The following FBN3 variants were observed in gnomAD, a reference collection of about 807,000 sequenced individuals.
FBN3 encodes fibrillin-3.
FBN3 carries 234 observed loss-of-function variants against 330.1 expected under a neutral mutation model. The observed-to-expected ratio is 0.71, with a 90% CI of 0.64 to 0.79. The LOEUF (loss-of-function observed/expected upper bound fraction) is 0.79, where lower values mean the gene tolerates loss of function less well. Among genes scored for constraint, FBN3 ranks in the 30% least tolerant of loss-of-function variants. The probability of loss-of-function intolerance (pLI) is 0.00; values close to 1 mark genes in which losing one functional copy is unlikely to be tolerated. For synonymous variants in FBN3, 1,458 were observed against 1,517.3 expected (o/e 0.96, Z 0.91); for missense variants, 3,606 against 3,886.9 (o/e 0.93, Z 1.92).
At position 8,123,915 on chromosome 19, in the gene FBN3, G is replaced by C. The variant is rs767887141; in HGVS notation, c.2825C>G (p.Ser942Cys). Residue 942 changes from serine (S) to cysteine (C), a missense_variant, in exon 23 of 64, where the codon TCC becomes TGC. Physicochemically the swap from Ser to Cys is moderately radical, Grantham distance 112. Coordinates refer to ENST00000600128, the MANE Select transcript of FBN3 (RefSeq NM_032447.5). ...GKYRMDVCCC[S>C]IGAVWGVECE... ...CTCGACTCCCCACACGGCCCCGATGGAGCAGCAGCAGACGTCCATCCGGTA... is the reference window on the plus strand; with the variant it reads ...CTCGACTCCCCACACGGCCCCGATGCAGCAGCAGCAGACGTCCATCCGGTA... The C allele has an allele frequency of 6.2e-7, 1 of 1,614,072 alleles. No homozygotes were observed. The highest frequency in any genetic ancestry group is 1.1e-5 in the South Asian group (1 of 91,086).
chr19:8,088,083 G>T lies in FBN3; in HGVS notation c.6473C>A (p.Pro2158His), dbSNP rs774216770. 3 of 1,614,002 alleles carry T rather than the reference G, an allele frequency of 1.9e-6. No homozygotes were observed. The highest frequency in any genetic ancestry group is 3.3e-5 in the Admixed American group (2 of 60,002). Residue 2158 changes from proline (P) to histidine (H), a missense_variant, in exon 52 of 64, where the codon CCT becomes CAT. Physicochemically the swap from Pro to His is moderately conservative, Grantham distance 77. Transcript: ENST00000600128. ...FECACADGFE[P>H]GLMMTCEDID... is the part of the protein sequence containing the mutation. The stretch of plus-strand genomic sequence containing the variant: ...ACCCTCGCAGGTCATCATGAGGCCA[G>T]GCTCAAAGCCGTCAGCACAGGCACA...
At chr19:8,137,993 A>C (rs2083326204) in intron 10 of FBN3, 148 bp downstream of exon 10, 2 of 884,528 alleles carry the variant, frequency 2.3e-6, no homozygotes, top group South Asian at 3.8e-5. Context: ...TAGCACTGTC[A>C]TCCCTACTAG....
Position 8,096,111 on chromosome 19 carries a change from G to A in FBN3, c.5540-31C>T. Reference sequence around the variant, plus strand: ...GAAGCAAAGCCGAGAGCCCAACCCAGCTCACCCAGGGCATTGGGGAACTTG... The same window carrying A: ...GAAGCAAAGCCGAGAGCCCAACCCAACTCACCCAGGGCATTGGGGAACTTG... On this transcript the variant is annotated intron_variant, in intron 44 of 63. Coordinates refer to ENST00000600128, the MANE Select transcript of FBN3 (RefSeq NM_032447.5). This position sits in a 1 kb window ranked among gnomAD's most constrained non-coding sequence, Gnocchi z 4.6. 6.5e-7 allele frequency: 1 copy of A among 1,542,846 alleles called. No homozygotes were observed. Among genetic ancestry groups the A allele is most frequent in the South Asian group, 1.1e-5 (1 of 89,584 alleles).
rs537194242 is a variant in FBN3 at position 8,143,791 on chromosome 19, C to A, written c.541+1086G>T. ...TGCAGGCATGAGCCACAGTGCCTGG[C>A]CTCTTTTCTTTCTTTCTTTCTTTCT... On this transcript the variant is annotated intron_variant, in intron 6 of 63. Coordinates refer to ENST00000600128, the MANE Select transcript of FBN3 (RefSeq NM_032447.5). Among the ~76,000 whole-genome samples, 82 of 116,856 alleles carry A rather than the reference C, an allele frequency of 7.0e-4. 2 individuals are homozygous for A. The South Asian group carries it at 0.027, about 38-fold the overall frequency. The allele number at this position is 116,856 out of a possible 152,430, so 76.7% of individuals were successfully genotyped here.
Position 8,073,218 on chromosome 19 carries a change from G to A in FBN3, c.7782C>T (p.Val2594=), listed in dbSNP as rs748489603. The part of the protein sequence containing the change: ...CRNTLGGFRC[V]CPSGFDFDQA... ...GATCAAAGTCAAAGCCAGAGGGGCA[G>A]ACGCAGCGGAAGCCACCAAGAGTGT... Residue 2594 remains valine (V), a synonymous_variant, in exon 62 of 64, where the codon GTC becomes GTT. Coordinates refer to ENST00000600128, the MANE Select transcript of FBN3 (RefSeq NM_032447.5). 2 of 1,614,108 alleles carry A rather than the reference G, an allele frequency of 1.2e-6. No homozygotes were observed. Among genetic ancestry groups the A allele is most frequent in the Admixed American group, 3.3e-5 (2 of 60,008 alleles).
intron 38 of FBN3, 44 bp from the exon 39 acceptor site, chr19:8,103,731 A>G (rs959954087): frequency 6.3e-7 from 1 of 1,595,534 alleles, no homozygotes; most frequent in Non-Finnish European, 8.6e-7. Context: ...GGCAGCGTCC[A>G]GGAATTGTCT....
At chr19:8,115,193 T>C (rs1043781031) in intron 30 of FBN3, among the ~76,000 whole-genome samples, 1 of 152,176 alleles carries the variant, frequency 6.6e-6, no homozygotes, top group Non-Finnish European at 1.5e-5. Flanking sequence ...GTGTGATCAT[T>C]TGTTATGGCA....
intron 38 of FBN3, among the ~76,000 whole-genome samples, chr19:8,104,278 C>G (rs771623699): frequency 1.3e-5 from 2 of 150,604 alleles, no homozygotes; most frequent in Admixed American, 6.6e-5. Context: ...TTGAGACCAG[C>G]CTGGGCAACA....
Position 8,136,032 on chromosome 19 carries a change from T to C in FBN3, c.1520A>G (p.Asn507Ser), listed in dbSNP as rs916870868. Residue 507 changes from asparagine (N) to serine (S), a missense_variant, in exon 13 of 64, where the codon AAC (asparagine) becomes AGC (serine). Transcript: ENST00000600128. The part of the protein sequence containing the change: ...GGLCHLGRCV[N>S]TEGSFQCVCN... Reference sequence around the variant, plus strand: ...GACACACTGGAAGCTGCCCTCTGTGTTGACACAGCGGCCCAGGTGACAAAG... The same window carrying C: ...GACACACTGGAAGCTGCCCTCTGTGCTGACACAGCGGCCCAGGTGACAAAG... 4 of 1,569,474 alleles carry C rather than the reference T, an allele frequency of 2.5e-6. No homozygotes were observed. The highest frequency in any genetic ancestry group is 3.5e-6 in the Non-Finnish European group (4 of 1,152,134).
Position 8,066,166 on chromosome 19 carries a change from G to A in FBN3, c.8183C>T (p.Pro2728Leu), listed in dbSNP as rs143150244. 3.7e-4 allele frequency: 590 copies of A among 1,612,876 alleles called. 5 individuals carry two copies. In the African/African-American group the frequency reaches 6.6e-3, roughly 18 times the overall value. Residue 2728 changes from proline (P) to leucine (L), a missense_variant, in exon 64 of 64, where the codon CCG becomes CTG. By Grantham distance (98) the Pro-to-Leu change is moderately conservative (BLOSUM62 -3). Coordinates refer to ENST00000600128, the MANE Select transcript of FBN3 (RefSeq NM_032447.5). ...GRAERILELR[P>L]ALEGLEGRIR... is the part of the protein sequence containing the mutation. The stretch of plus-strand genomic sequence containing the variant: ...CCGGCCCTCTAGACCCTCCAGGGCC[G>A]GCCGGAGCTCCAGGATGCGCTCGGC...
At position 8,131,556 on chromosome 19, in the gene FBN3, G is replaced by T. The variant is rs1197205171; in HGVS notation, c.1988C>A (p.Ser663Tyr). Residue 663 changes from serine to tyrosine, a missense_variant and splice_region_variant, in exon 15 of 64, where the codon TCC (serine) becomes TAC (tyrosine). Coordinates refer to ENST00000600128, the MANE Select transcript of FBN3 (RefSeq NM_032447.5). This position sits in a 1 kb window ranked among gnomAD's most constrained non-coding sequence, Gnocchi z 4.5. Reference protein sequence around the residue: ...EPCQLCPAKDSAEFQALCSSG... With the variant: ...EPCQLCPAKDYAEFQALCSSG... ...GGACCGGGCAGCCGGATGCTCACCG[G>T]AGTCTTTGGCAGGACAAAGCTGGCA... is the stretch of plus-strand genomic sequence containing the variant. The T allele has an allele frequency of 1.2e-6, 2 of 1,604,898 alleles. No homozygotes were observed. The highest frequency in any genetic ancestry group is 1.1e-5 in the South Asian group (1 of 90,152).
chr19:8,077,313 T>C (rs1427863052), intron 59 of FBN3, among the ~76,000 whole-genome samples: 2 of 152,222 alleles, frequency 1.3e-5, no homozygotes, highest in African/African-American at 2.4e-5. Context: ...ACAGAGATTC[T>C]TGACACTAAG....
Position 8,082,456 on chromosome 19 carries a change from C to CCCTTCCTTCCTT in FBN3, c.7213+779_7213+790dup, listed in dbSNP as rs201197502. The stretch of plus-strand genomic sequence containing the variant: ...TCTCTCTCTCTTCCTTCCTTCCCTT[C>CCCTTCCTTCCTT]CCTTCCTTCCTTCCTTCCTTCCTTC... On this transcript the variant is annotated intron_variant, in intron 57 of 63. Coordinates refer to ENST00000600128, the MANE Select transcript of FBN3 (RefSeq NM_032447.5). Among the ~76,000 whole-genome samples, 25 of 136,244 alleles carry CCCTTCCTTCCTT rather than the reference C, an allele frequency of 1.8e-4. 1 individual carries two copies. The highest frequency in any genetic ancestry group is 5.3e-4 in the African/African-American group (19 of 35,864). 89.4% of individuals were successfully genotyped at this position (136,244 alleles called of 152,430 possible).
At chr19:8,074,257 C>T (rs997368402) in intron 61 of FBN3, among the ~76,000 whole-genome samples, 6 of 152,020 alleles carry the variant, frequency 3.9e-5, no homozygotes, top group Non-Finnish European at 7.4e-5. Context: ...CTGTGGGATC[C>T]CCAAGATCCC....
In FBN3 at chr19:8,133,074, C is replaced by T. The variant is rs36124795; in HGVS notation, c.1624G>A (p.Val542Ile). ...TCCTCGTTGAGACACACGCCGTTGA[C>T]GCACATGGTGCTGGTGGCACACTCG... ...HNECATSTMC[V>I]NGVCLNEDGS... Residue 542 changes from valine to isoleucine, a missense_variant, in exon 14 of 64, where the codon GTC (valine) becomes ATC (isoleucine). By Grantham distance (29) the Val-to-Ile change is conservative (BLOSUM62 3). Coordinates refer to ENST00000600128, the MANE Select transcript of FBN3 (RefSeq NM_032447.5). The T allele has an allele frequency of 0.052, 82,307 of 1,584,034 alleles. 2,572 individuals carry two copies. The highest frequency in any genetic ancestry group is 0.061 in the Non-Finnish European group (70,804 of 1,166,266).
At position 8,141,922 on chromosome 19, in the gene FBN3, C is replaced by T. The variant is rs757040870; in HGVS notation, c.739+18G>A. 4 of 1,614,096 alleles carry T rather than the reference C, an allele frequency of 2.5e-6. No individual in the cohort carries two copies. The South Asian group carries it at 3.3e-5, about 13-fold the overall frequency. ...AGGCAGCTAAGGCCTCCCACTCAGC[C>T]CTGACCCCACTATTCACCTTGGCAG... is the stretch of plus-strand genomic sequence containing the variant. On this transcript the variant is annotated intron_variant, in intron 7 of 63. Coordinates refer to ENST00000600128, the MANE Select transcript of FBN3 (RefSeq NM_032447.5).
At chr19:8,090,487 G>GTTT (rs34225993) in intron 48 of FBN3, among the ~76,000 whole-genome samples, 3 of 141,452 alleles carry the variant, frequency 2.1e-5, no homozygotes, top group Non-Finnish European at 4.6e-5. Context: ...GGTGGTGGTG[G>GTTT]TTTTTTTTTT....
intron 16 of FBN3, among the ~76,000 whole-genome samples, chr19:8,130,846 A>C (rs1004799112): frequency 2.0e-5 from 3 of 151,426 alleles, no homozygotes; most frequent in Admixed American, 6.6e-5. Context: ...ATAGAGTGAG[A>C]TCTCACCTCT....
At chr19:8,112,924 G>A (rs914097866) in intron 30 of FBN3, among the ~76,000 whole-genome samples, 21 of 152,204 alleles carry the variant, frequency 1.4e-4, no homozygotes, top group Non-Finnish European at 2.1e-4. Flanking sequence ...GCTCTGTTAT[G>A]TAACACTTGT....
Sources: allele counts gnomAD v4.1 joint callset (sites outside exome capture counted in the v4.1 genomes callset), GRCh38; gene constraint gnomAD v4.1.1; non-coding constraint Gnocchi (gnomAD v3.1); transcripts MANE v1.5; gene names NCBI Gene and HGNC (gene_info 2026-07-23, HGNC 2026-07-21).